GRIK2: variants seen among roughly 807,000 people sequenced by gnomAD.
The protein encoded by GRIK2 is glutamate ionotropic receptor kainate type subunit 2.
In GRIK2, 32 loss-of-function variants were observed where a neutral mutation model predicts 100.3. That is an observed-to-expected ratio of 0.32 (90% CI 0.24 to 0.43). GRIK2 has a LOEUF of 0.43. Among genes scored for constraint, GRIK2 ranks in the 20% least tolerant of loss-of-function variants. The pLI, the probability that GRIK2 is intolerant of heterozygous loss-of-function variation, is 1.00. For missense variants in GRIK2, 843 were observed against 1,114.9 expected, an observed-to-expected ratio of 0.76 and a Z score of 3.47; for synonymous variants, 417 against 389.4, an observed-to-expected ratio of 1.07 and a Z score of -0.83.
chr6:102,020,696 G>T (rs1335850739), intron 14 of GRIK2, among the ~76,000 whole-genome samples: 2 of 151,832 alleles, frequency 1.3e-5, no homozygotes, highest in Non-Finnish European at 2.9e-5. Context: ...GGGAAAGTTT[G>T]ATCAGAGAAT....
chr6:101,607,735 G>A (rs1324796363), intron 2 of GRIK2, among the ~76,000 whole-genome samples: 2 of 151,902 alleles, frequency 1.3e-5, no homozygotes, highest in Non-Finnish European at 2.9e-5. Flanking sequence ...TATGCAATCA[G>A]CATCACCTAC....
chr6:101,686,553 C>T (rs1771716210), intron 7 of GRIK2, among the ~76,000 whole-genome samples, 200 bp downstream of exon 7: 1 of 151,990 alleles, frequency 6.6e-6, no homozygotes, highest in African/African-American at 2.4e-5. Flanking sequence ...TGCTTCCATC[C>T]AAGTATCTCA....
chr6:101,849,953 C>T (rs565403203), intron 10 of GRIK2, among the ~76,000 whole-genome samples: 3 of 147,300 alleles, frequency 2.0e-5, no homozygotes, highest in East Asian at 4.1e-4. Context: ...ATAAACTTTA[C>T]AAGTTTTTTA....
chr6:101,629,423 C>T (rs191291218), intron 4 of GRIK2, among the ~76,000 whole-genome samples: 29 of 152,110 alleles, frequency 1.9e-4, no homozygotes, highest in African/African-American at 4.6e-4. Context: ...GAGTTAAATG[C>T]CACGAAAGGA....
At chr6:101,495,947 C>A (rs1394145442) in intron 2 of GRIK2, among the ~76,000 whole-genome samples, 2 of 151,596 alleles carry the variant, frequency 1.3e-5, no homozygotes, top group African/African-American at 4.8e-5. Flanking sequence ...CTGAATTTTT[C>A]TTTTCTTTTT....
chr6:101,676,527 A>G (rs955643992), intron 4 of GRIK2, 96 bp from the exon 5 acceptor site: 5 of 695,586 alleles, frequency 7.2e-6, no homozygotes, highest in East Asian at 3.0e-5. Flanking sequence ...TGAAATAAGA[A>G]GAAAATTATA....
At chr6:101,537,259 T>A (rs1420283428) in intron 2 of GRIK2, among the ~76,000 whole-genome samples, 1 of 151,858 alleles carries the variant, frequency 6.6e-6, no homozygotes, top group Admixed American at 6.6e-5. Context: ...ATTGTATTTT[T>A]CCCATATTGT....
intron 2 of GRIK2, among the ~76,000 whole-genome samples, chr6:101,530,837 A>G (rs1478744569): frequency 1.3e-5 from 2 of 152,020 alleles, no homozygotes; most frequent in Non-Finnish European, 2.9e-5. Flanking sequence ...CAGAGACACC[A>G]TAAGTTTTTT....
At chr6:102,060,562 C>T (rs918416934) in intron 16 of GRIK2, among the ~76,000 whole-genome samples, 2 of 150,662 alleles carry the variant, frequency 1.3e-5, no homozygotes, top group Non-Finnish European at 3.0e-5. Flanking sequence ...TTAGTTCTAA[C>T]AGGAGCAATG....
chr6:101,709,939 G>A (rs1415482), intron 7 of GRIK2, among the ~76,000 whole-genome samples: 1 of 151,612 alleles, frequency 6.6e-6, no homozygotes, highest in African/African-American at 2.4e-5. Context: ...GGGGTTTGCC[G>A]TGCTGCTGAA....
chr6:101,792,479 C>A (rs1328402441), intron 7 of GRIK2, among the ~76,000 whole-genome samples: 16 of 151,406 alleles, frequency 1.1e-4, no homozygotes, highest in South Asian at 2.1e-4. Context: ...CTTAGTTTGG[C>A]TGGATATGAA....
Position 101,621,379 on chromosome 6 carries a change from A to G in GRIK2, c.116-570A>G, listed in dbSNP as rs1221111711. On this transcript the variant is annotated intron_variant, in intron 2 of 16. Transcript: ENST00000369134. ...GAGGTGAGAGGATCACCTGAGCCCA[A>G]GGAGGTCAAGGCTGCAGTGGGCTGT... 2.6e-5 allele frequency among the ~76,000 whole-genome samples: 4 copies of G among 152,208 alleles called. 1 individual carries two copies. In the East Asian group the frequency reaches 7.8e-4, roughly 30 times the overall value.
rs941607506 is a variant in GRIK2 at position 101,789,142 on chromosome 6, C to G, written c.952-10506C>G. ...GATGAGTAGGTTGCGAAAATTTTCT[C>G]CCATTTTGTAGGTTGCCTGTTCACT... On this transcript the variant is annotated intron_variant, in intron 7 of 16. Transcript: ENST00000369134. Among the ~76,000 whole-genome samples, 126 of 152,088 alleles carry G rather than the reference C, an allele frequency of 8.3e-4. 1 individual carries two copies. Among genetic ancestry groups the G allele is most frequent in the African/African-American group, 2.9e-3 (121 of 41,478 alleles).
intron 13 of GRIK2, among the ~76,000 whole-genome samples, chr6:101,926,509 G>T (rs1469237450): frequency 6.6e-6 from 1 of 151,970 alleles, no homozygotes; most frequent in Non-Finnish European, 1.5e-5. Flanking sequence ...ATATTTGGAG[G>T]TCTTTGAGAA....
intron 7 of GRIK2, among the ~76,000 whole-genome samples, chr6:101,762,357 A>T (rs1583098925): frequency 6.6e-6 from 1 of 151,240 alleles, no homozygotes; most frequent in African/African-American, 2.4e-5. Context: ...TTATTTTATT[A>T]TTTTTTTTAA....
At chr6:101,544,869 G>T (rs749372218) in intron 2 of GRIK2, among the ~76,000 whole-genome samples, 1 of 152,162 alleles carries the variant, frequency 6.6e-6, no homozygotes, top group Non-Finnish European at 1.5e-5. Context: ...GTTACAATCT[G>T]CCAATTTCTT....
At chr6:101,621,232 G>C (rs62421383) in intron 2 of GRIK2, among the ~76,000 whole-genome samples, 19,241 of 152,076 alleles carry the variant, frequency 0.13, 1,227 homozygotes, top group Admixed American at 0.16. Context: ...GCAGGCAGAT[G>C]GCTTGAGCCC....
intron 2 of GRIK2, among the ~76,000 whole-genome samples, chr6:101,583,131 A>G (rs1778180415): frequency 6.6e-6 from 1 of 152,184 alleles, no homozygotes; most frequent in African/African-American, 2.4e-5. Context: ...ATTTTCAAGT[A>G]TAGAGAAGCT....
intron 2 of GRIK2, among the ~76,000 whole-genome samples, chr6:101,424,406 G>T (rs963831343): frequency 2.5e-4 from 37 of 150,732 alleles, no homozygotes; most frequent in African/African-American, 8.6e-4. Flanking sequence ...ACCTATGAGT[G>T]AGAACATGTG....
Sources: allele counts gnomAD v4.1 joint callset (sites outside exome capture counted in the v4.1 genomes callset), GRCh38; gene constraint gnomAD v4.1.1; transcripts MANE v1.5; gene names NCBI Gene and HGNC (gene_info 2026-07-23, HGNC 2026-07-21).